Variants in THSD7A observed in about 807,000 individuals in gnomAD.
THSD7A encodes thrombospondin type-1 domain-containing protein 7A.
A neutral mutation model predicts 231.3 loss-of-function variants in THSD7A; 96 were observed. The ratio of observed to expected loss-of-function variants is 0.41; its 90% CI spans 0.35 to 0.49. The LOEUF (loss-of-function observed/expected upper bound fraction) is 0.49, where lower values mean the gene tolerates loss of function less well. Ranked by LOEUF, THSD7A falls within the 20% of genes least tolerant of loss-of-function variation. The probability of loss-of-function intolerance (pLI) is 0.05; values close to 1 mark genes in which losing one functional copy is unlikely to be tolerated. For missense variants in THSD7A, 2,290 were observed against 2,070.2 expected (o/e 1.11, Z -2.06); for synonymous variants, 940 against 743.3 (o/e 1.26, Z -4.30).
intron 23 of THSD7A, among the ~76,000 whole-genome samples, chr7:11,383,362 T>C (rs564169186): frequency 2.1e-4 from 32 of 152,190 alleles, no homozygotes; most frequent in African/African-American, 5.3e-4. Flanking sequence ...TATTTAGCTA[T>C]TTTTCTATTA....
chr7:11,556,329 CTATATA>C (rs35115342), intron 4 of THSD7A, among the ~76,000 whole-genome samples: 1 of 150,150 alleles, frequency 6.7e-6, no homozygotes, highest in African/African-American at 2.4e-5. Context: ...ACAAGATATA[CTATATA>C]TATATATCTT....
At chr7:11,708,307 A>C (rs1342466981) in intron 1 of THSD7A, among the ~76,000 whole-genome samples, 2 of 150,804 alleles carry the variant, frequency 1.3e-5, no homozygotes, top group Non-Finnish European at 3.0e-5. Flanking sequence ...TTAGTTTTTA[A>C]AAAATATAAA....
At chr7:11,693,894 T>A (rs2128142692) in intron 1 of THSD7A, among the ~76,000 whole-genome samples, 1 of 151,668 alleles carries the variant, frequency 6.6e-6, no homozygotes, top group Non-Finnish European at 1.5e-5. Context: ...GATATCTCTA[T>A]TTTACTTATT....
intron 1 of THSD7A, among the ~76,000 whole-genome samples, chr7:11,759,186 G>A (rs1782778828): frequency 6.6e-6 from 1 of 151,948 alleles, no homozygotes; most frequent in South Asian, 2.1e-4. Flanking sequence ...GTTGAAGCGG[G>A]CAAAAACAGC....
chr7:11,392,917 G>C (rs972832440), intron 23 of THSD7A, among the ~76,000 whole-genome samples: 11 of 151,972 alleles, frequency 7.2e-5, no homozygotes, highest in African/African-American at 2.7e-4. Context: ...CATCTCCCTG[G>C]GATAGGATAG....
chr7:11,412,496 A>G (rs1255842177), intron 18 of THSD7A, among the ~76,000 whole-genome samples, 160 bp downstream of exon 18: 3 of 152,114 alleles, frequency 2.0e-5, no homozygotes, highest in African/African-American at 4.8e-5. Flanking sequence ...AAAAACCCAG[A>G]TAAGTATTTC....
intron 6 of THSD7A, among the ~76,000 whole-genome samples, chr7:11,506,251 A>G (rs1033304690): frequency 4.6e-5 from 7 of 152,114 alleles, no homozygotes; most frequent in Non-Finnish European, 7.4e-5. Flanking sequence ...TCAACCTCCT[A>G]AAATGCTGGG....
chr7:11,708,083 T>C (rs960950265), intron 1 of THSD7A, among the ~76,000 whole-genome samples: 1 of 150,752 alleles, frequency 6.6e-6, no homozygotes, highest in Non-Finnish European at 1.5e-5. Context: ...CTGGCTTCTC[T>C]CCCTACTCAT....
At position 11,754,098 on chromosome 7, in the gene THSD7A, G is replaced by A. The variant is rs1782598786; in HGVS notation, c.190+77659C>T. 4.6e-5 allele frequency among the ~76,000 whole-genome samples: 7 copies of A among 151,926 alleles called. No individual in the cohort carries two copies. In the South Asian group the frequency reaches 1.5e-3, roughly 32 times the overall value. On this transcript the variant is annotated intron_variant, in intron 1 of 27. Coordinates refer to ENST00000423059, the MANE Select transcript of THSD7A (RefSeq NM_015204.3). ...AATATAAGGAAAAAAGCATTCAATAGAAACCATCTCCCAGGAAGCCCCTAT... is the reference window on the plus strand; with the variant it reads ...AATATAAGGAAAAAAGCATTCAATAAAAACCATCTCCCAGGAAGCCCCTAT...
At chr7:11,570,618 T>C (rs1003966628) in intron 4 of THSD7A, among the ~76,000 whole-genome samples, 2 of 152,236 alleles carry the variant, frequency 1.3e-5, no homozygotes, top group Non-Finnish European at 2.9e-5. Flanking sequence ...CACTCAATTA[T>C]TATGTGTCAA....
In THSD7A at chr7:11,389,421, C is replaced by CTTTTT. The variant is rs57755425; in HGVS notation, c.4412-6810_4412-6806dup. On this transcript the variant is annotated intron_variant, in intron 23 of 27. Transcript: ENST00000423059. ...TCAGAGACTAGAATTGCAACTCCTGCTTTTTTTTTTTTTTTTTTTTTTTTT... is the reference window on the plus strand; with the variant it reads ...TCAGAGACTAGAATTGCAACTCCTGCTTTTTTTTTTTTTTTTTTTTTTTTTTTTTT... 1.1e-3 allele frequency among the ~76,000 whole-genome samples: 40 copies of CTTTTT among 37,602 alleles called. 1 individual carries two copies. Among genetic ancestry groups the CTTTTT allele is most frequent in the Non-Finnish European group, 1.1e-3 (23 of 20,700 alleles). The allele number at this position is 37,602 out of a possible 152,430, so 24.7% of individuals were successfully genotyped here.
At chr7:11,578,919 A>G (rs1791036955) in intron 4 of THSD7A, among the ~76,000 whole-genome samples, 1 of 152,220 alleles carries the variant, frequency 6.6e-6, no homozygotes, top group African/African-American at 2.4e-5. Flanking sequence ...CAGAAAATGT[A>G]AAATTGTGAA....
At chr7:11,515,083 T>C (rs1562675305) in intron 6 of THSD7A, among the ~76,000 whole-genome samples, 1 of 152,210 alleles carries the variant, frequency 6.6e-6, no homozygotes, top group African/African-American at 2.4e-5. Flanking sequence ...AAATAAATTT[T>C]ACATGTAACT....
At chr7:11,563,400 C>T (rs142384015) in intron 4 of THSD7A, among the ~76,000 whole-genome samples, 1 of 152,186 alleles carries the variant, frequency 6.6e-6, no homozygotes, top group East Asian at 1.9e-4. Flanking sequence ...CCCTCTGTTT[C>T]CCAGGTTGGA....
chr7:11,698,674 G>C (rs1780476565), intron 1 of THSD7A, among the ~76,000 whole-genome samples: 1 of 151,344 alleles, frequency 6.6e-6, no homozygotes, highest in South Asian at 2.1e-4. Context: ...AAGTATCACA[G>C]AGCTGTTCTG....
Position 11,688,196 on chromosome 7 carries a change from G to T in THSD7A, c.191-51235C>A, listed in dbSNP as rs1015030435. ...CTTGTGATAGTTTGCTGAGAATGACGGTTTCCCGCTTCAACCACGTCCCTA... is the reference window on the plus strand; with the variant it reads ...CTTGTGATAGTTTGCTGAGAATGACTGTTTCCCGCTTCAACCACGTCCCTA... On this transcript the variant is annotated intron_variant, in intron 1 of 27. Coordinates refer to ENST00000423059, the MANE Select transcript of THSD7A (RefSeq NM_015204.3). Among the ~76,000 whole-genome samples, 3 of 151,568 alleles carry T rather than the reference G, an allele frequency of 2.0e-5. 1 individual carries two copies. In the South Asian group the frequency reaches 6.2e-4, roughly 32 times the overall value.
At chr7:11,385,734 G>C (rs1485397143) in intron 23 of THSD7A, 1 of 151,822 alleles carries the variant, frequency 6.6e-6, no homozygotes, top group African/African-American at 2.4e-5. Context: ...ATTTTTAACT[G>C]GTTTTACTGC....
chr7:11,768,716 G>T (rs1039654462), intron 1 of THSD7A, among the ~76,000 whole-genome samples: 5 of 152,018 alleles, frequency 3.3e-5, no homozygotes, highest in Admixed American at 1.3e-4. Flanking sequence ...GATAAGAAAA[G>T]ATATCATTAA....
At position 11,481,675 on chromosome 7, in the gene THSD7A, C is replaced by T. The variant is rs566955722; in HGVS notation, c.2017+113G>A. 141 of 1,138,880 alleles carry T rather than the reference C, an allele frequency of 1.2e-4. No homozygotes were observed. The Middle Eastern group carries it at 1.4e-3, about 12-fold the overall frequency. 70.5% of individuals were successfully genotyped at this position (1,138,880 alleles called of 1,614,324 possible). On this transcript the variant is annotated intron_variant, in intron 7 of 27. Coordinates refer to ENST00000423059, the MANE Select transcript of THSD7A (RefSeq NM_015204.3). ...TCAACAGATATTAAATCTTGGATGG[C>T]TGAATTTCTGGTTGTTGACTTTCAT...
Sources: gnomAD v4.1 joint callset for allele counts (sites outside exome capture counted in the v4.1 genomes callset) on GRCh38, gnomAD v4.1.1 for gene constraint, MANE v1.5 for transcripts, NCBI Gene and HGNC (gene_info 2026-07-23, HGNC 2026-07-21) for gene names.